The following APBB2 variants were observed in gnomAD, a reference collection of about 807,000 sequenced individuals.
The protein encoded by APBB2 is Fe65-like 1.
A neutral mutation model predicts 82.5 loss-of-function variants in APBB2; 38 were observed. The observed-to-expected ratio is 0.46, with a 90% CI of 0.36 to 0.60. The LOEUF is 0.60. Ranked by LOEUF, APBB2 falls within the 20% of genes least tolerant of loss-of-function variation. The pLI, the probability that APBB2 is intolerant of heterozygous loss-of-function variation, is 0.00. For missense variants in APBB2, 772 were observed against 972.3 expected, an observed-to-expected ratio of 0.79 and a Z score of 2.74; for synonymous variants, 341 against 368.2, an observed-to-expected ratio of 0.93 and a Z score of 0.85.
chr4:40,860,328 C>T (rs956017844), intron 12 of APBB2, among the ~76,000 whole-genome samples: 1 of 152,068 alleles, frequency 6.6e-6, no homozygotes, highest in Non-Finnish European at 1.5e-5. Context: ...TGGAGGGACT[C>T]GAGACTGAGA....
chr4:41,043,814 G>T (rs1171951280), intron 4 of APBB2, among the ~76,000 whole-genome samples: 1 of 151,992 alleles, frequency 6.6e-6, no homozygotes, highest in East Asian at 1.9e-4. Flanking sequence ...AATCTACATC[G>T]CCTCTATCCT....
At chr4:40,878,047 G>C (rs1028250583) in intron 12 of APBB2, among the ~76,000 whole-genome samples, 1 of 152,024 alleles carries the variant, frequency 6.6e-6, no homozygotes, top group Non-Finnish European at 1.5e-5. Flanking sequence ...GGGTGGCTGA[G>C]CATTAGAGAA....
intron 12 of APBB2, among the ~76,000 whole-genome samples, chr4:40,874,775 G>T (rs1766438991): frequency 6.6e-6 from 1 of 152,154 alleles, no homozygotes; most frequent in South Asian, 2.1e-4. Context: ...ATAGAACATT[G>T]CATACAGTGT....
chr4:41,125,481 G>C (rs1032265445), intron 2 of APBB2, among the ~76,000 whole-genome samples: 1 of 152,094 alleles, frequency 6.6e-6, no homozygotes, highest in Non-Finnish European at 1.5e-5. Context: ...AATTCAAGAA[G>C]ATAGTTCTCA....
chr4:41,105,743 A>G (rs972511293), intron 2 of APBB2, among the ~76,000 whole-genome samples: 209 of 152,198 alleles, frequency 1.4e-3, no homozygotes, highest in Non-Finnish European at 5.1e-4. Flanking sequence ...AAAATTAGCC[A>G]GGTGTGGTAG....
intron 1 of APBB2, among the ~76,000 whole-genome samples, chr4:41,201,568 G>A (rs1308459448): frequency 2.6e-5 from 4 of 152,172 alleles, no homozygotes; most frequent in Non-Finnish European, 4.4e-5. Flanking sequence ...ATATTTTACA[G>A]ATGGGAAAAG....
At chr4:41,042,094 G>A (rs1235981453) in intron 4 of APBB2, among the ~76,000 whole-genome samples, 3 of 152,128 alleles carry the variant, frequency 2.0e-5, no homozygotes, top group Non-Finnish European at 2.9e-5. Flanking sequence ...GCATTCAACC[G>A]ATTCTCCTGC....
chr4:40,903,235 T>TAAGC (rs201714778), intron 10 of APBB2, among the ~76,000 whole-genome samples: 16,502 of 151,586 alleles, frequency 0.11, 1,277 homozygotes, highest in African/African-American at 0.21. Context: ...CCAAGGCCGG[T>TAAGC]GGATCACCTG....
intron 1 of APBB2, among the ~76,000 whole-genome samples, chr4:41,203,097 A>G (rs955800334): frequency 6.6e-6 from 1 of 152,056 alleles, no homozygotes; most frequent in Non-Finnish European, 1.5e-5. Context: ...TTTTCTTGCA[A>G]TCCACATGTT....
intron 10 of APBB2, among the ~76,000 whole-genome samples, chr4:40,895,127 C>G (rs1018288441): frequency 6.6e-6 from 1 of 152,152 alleles, no homozygotes; most frequent in Non-Finnish European, 1.5e-5. Flanking sequence ...TTCCAGTCAC[C>G]GTGCACAGAC....
At chr4:41,210,179 C>T (rs1250508170) in intron 1 of APBB2, among the ~76,000 whole-genome samples, 1 of 152,166 alleles carries the variant, frequency 6.6e-6, no homozygotes, top group African/African-American at 2.4e-5. Flanking sequence ...AGGCCACTGA[C>T]CAGTTCAGGT....
intron 3 of APBB2, among the ~76,000 whole-genome samples, chr4:41,078,964 C>T (rs1268005874): frequency 6.6e-6 from 1 of 152,138 alleles, no homozygotes; most frequent in Non-Finnish European, 1.5e-5. Context: ...ATGACTTAGC[C>T]GTGGTCAACC....
intron 11 of APBB2, 94 bp downstream of exon 11, chr4:40,893,171 G>A: frequency 6.9e-7 from 1 of 1,446,090 alleles, no homozygotes; most frequent in Non-Finnish European, 9.4e-7. Flanking sequence ...ACACCTCGGA[G>A]CCCCTCAGTA....
chr4:40,908,257 C>T (rs778382847), intron 10 of APBB2, among the ~76,000 whole-genome samples: 1 of 152,126 alleles, frequency 6.6e-6, no homozygotes, highest in Non-Finnish European at 1.5e-5. Flanking sequence ...GGCTCCCAGC[C>T]TCCATAACTG....
chr4:41,069,079 C>T (rs985595550), intron 3 of APBB2, among the ~76,000 whole-genome samples: 1 of 152,124 alleles, frequency 6.6e-6, no homozygotes, highest in African/African-American at 2.4e-5. Context: ...CAGGCGTGAG[C>T]CACCATGCCT....
chr4:41,099,970 A>T (rs1036173049), intron 3 of APBB2, among the ~76,000 whole-genome samples: 10 of 152,184 alleles, frequency 6.6e-5, no homozygotes, highest in South Asian at 2.1e-4. Context: ...GACTTTATAG[A>T]TCTGTAAGGT....
At chr4:41,150,892 A>G (rs773584479) in intron 1 of APBB2, among the ~76,000 whole-genome samples, 2 of 152,056 alleles carry the variant, frequency 1.3e-5, no homozygotes, top group Non-Finnish European at 2.9e-5. Context: ...GACAACCACC[A>G]TCATGTCAGG....
intron 6 of APBB2, among the ~76,000 whole-genome samples, chr4:41,010,763 A>G (rs1560516583): frequency 6.6e-6 from 1 of 152,370 alleles, no homozygotes; most frequent in East Asian, 1.9e-4. Context: ...CTGATCTACA[A>G]AATACGTTCT....
chr4:41,087,953 C>T (rs762748003), intron 3 of APBB2, among the ~76,000 whole-genome samples: 11 of 152,124 alleles, frequency 7.2e-5, no homozygotes, highest in Middle Eastern at 3.2e-3. Context: ...ACAAAACAGC[C>T]GCAGTCACAA....
Sources: allele counts gnomAD v4.1 joint callset (sites outside exome capture counted in the v4.1 genomes callset), GRCh38; gene constraint gnomAD v4.1.1; transcripts MANE v1.5; gene names NCBI Gene and HGNC (gene_info 2026-07-23, HGNC 2026-07-21).